Variants in ROBO1 observed in about 807,000 individuals in gnomAD.
The protein encoded by ROBO1 is roundabout guidance receptor 1.
A neutral mutation model predicts 195.9 loss-of-function variants in ROBO1; 149 were observed. That is an observed-to-expected ratio of 0.76 (90% confidence interval 0.67 to 0.87). The LOEUF is 0.87. Among genes scored for constraint, ROBO1 ranks in the 40% least tolerant of loss-of-function variants. The probability of loss-of-function intolerance (pLI) is 0.00; values close to 1 mark genes in which losing one functional copy is unlikely to be tolerated. For missense variants in ROBO1, 1,933 were observed against 2,068.3 expected, an observed-to-expected ratio of 0.93 and a Z score of 1.27; for synonymous variants, 816 against 733.2, an observed-to-expected ratio of 1.11 and a Z score of -1.82.
At chr3:78,663,993 A>G (rs1575872419) in intron 14 of ROBO1, among the ~76,000 whole-genome samples, 1 of 152,132 alleles carries the variant, frequency 6.6e-6, no homozygotes, top group African/African-American at 2.4e-5. Context: ...TTTGAGATAA[A>G]CCTACCAGTC....
chr3:78,911,835 C>T (rs1388971880), intron 4 of ROBO1, among the ~76,000 whole-genome samples: 6 of 151,994 alleles, frequency 3.9e-5, no homozygotes, highest in African/African-American at 1.2e-4. Context: ...TATTCTATAA[C>T]GCAAAGCAGG....
chr3:78,917,709 ATCATGTCCCAG>A (rs1335727795), intron 4 of ROBO1, among the ~76,000 whole-genome samples: 15 of 152,234 alleles, frequency 9.9e-5, no homozygotes, highest in African/African-American at 3.6e-4. Context: ...ATAAACTCAG[ATCATGTCCCAG>A]TAAGATAATT....
intron 10 of ROBO1, among the ~76,000 whole-genome samples, chr3:78,676,293 T>C (rs1289272755): frequency 1.3e-5 from 2 of 152,170 alleles, no homozygotes; most frequent in Non-Finnish European, 2.9e-5. Flanking sequence ...AGGAACGCAG[T>C]TCCTCACCAG....
At chr3:79,668,385 TAA>T (rs1276597295) in intron 1 of ROBO1, among the ~76,000 whole-genome samples, 1 of 147,590 alleles carries the variant, frequency 6.8e-6, no homozygotes, top group East Asian at 2.0e-4. Context: ...AAATTAATAT[TAA>T]GTTTCTTGAC....
chr3:78,947,459 T>A (rs1011290853), intron 3 of ROBO1, among the ~76,000 whole-genome samples: 1 of 152,180 alleles, frequency 6.6e-6, no homozygotes, highest in Non-Finnish European at 1.5e-5. Flanking sequence ...GAAATAAAGA[T>A]GTTCTTTGAA....
intron 2 of ROBO1, among the ~76,000 whole-genome samples, chr3:79,381,342 T>G: frequency 9.7e-6 from 1 of 103,400 alleles, no homozygotes; most frequent in Non-Finnish European, 1.7e-5. Flanking sequence ...GGAGACAGAG[T>G]GAAACTCCGT....
chr3:79,447,053 A>G (rs922726759), intron 2 of ROBO1, among the ~76,000 whole-genome samples: 2 of 150,582 alleles, frequency 1.3e-5, no homozygotes, highest in Non-Finnish European at 3.0e-5. Context: ...CTGGTCTCGA[A>G]CTCCTGACCT....
chr3:78,712,041 A>C (rs949957580), intron 8 of ROBO1, among the ~76,000 whole-genome samples: 6 of 148,594 alleles, frequency 4.0e-5, no homozygotes, highest in South Asian at 2.1e-4. Flanking sequence ...AAAAAAAAAA[A>C]AAAAAAAAAC....
chr3:79,167,466 T>C (rs765514074), intron 2 of ROBO1, among the ~76,000 whole-genome samples: 7 of 152,180 alleles, frequency 4.6e-5, no homozygotes, highest in African/African-American at 9.7e-5. Context: ...CTATAACTTA[T>C]ATCTTTATAA....
intron 2 of ROBO1, among the ~76,000 whole-genome samples, chr3:79,325,962 G>T (rs1233660988): frequency 6.6e-6 from 1 of 152,144 alleles, no homozygotes; most frequent in Non-Finnish European, 1.5e-5. Flanking sequence ...CTGGGAAAGA[G>T]AATATGCGCC....
At chr3:79,375,905 A>C (rs904013528) in intron 2 of ROBO1, among the ~76,000 whole-genome samples, 1 of 152,200 alleles carries the variant, frequency 6.6e-6, no homozygotes, top group African/African-American at 2.4e-5. Context: ...TAGTTGTGTG[A>C]CATTGAGCAA....
intron 4 of ROBO1, among the ~76,000 whole-genome samples, chr3:78,836,614 T>G (rs1204940455): frequency 1.3e-5 from 2 of 151,408 alleles, no homozygotes; most frequent in Non-Finnish European, 2.9e-5. Context: ...ATAAGAAGAA[T>G]AACTTTTTTG....
At chr3:78,720,222 T>C (rs139254011) in intron 5 of ROBO1, among the ~76,000 whole-genome samples, 90 of 152,254 alleles carry the variant, frequency 5.9e-4, no homozygotes, top group African/African-American at 2.0e-3. Flanking sequence ...GCCTTGTAAA[T>C]AGTAAAAATT....
intron 2 of ROBO1, among the ~76,000 whole-genome samples, chr3:79,355,432 C>T (rs921947499): frequency 1.3e-5 from 2 of 152,148 alleles, no homozygotes; most frequent in African/African-American, 4.8e-5. Flanking sequence ...TCAAAAACCT[C>T]TCTTCTAGCT....
At chr3:79,750,202 GC>G (rs942607707) in intron 1 of ROBO1, among the ~76,000 whole-genome samples, 1 of 152,226 alleles carries the variant, frequency 6.6e-6, no homozygotes, top group African/African-American at 2.4e-5. Context: ...TTGCATGGGG[GC>G]TGTGGCCCCT....
At chr3:78,600,474 G>C (rs1703108156) in intron 29 of ROBO1, among the ~76,000 whole-genome samples, 165 bp from the exon 30 acceptor site, 1 of 152,178 alleles carries the variant, frequency 6.6e-6, no homozygotes, top group Non-Finnish European at 1.5e-5. Flanking sequence ...ATAGTGTGTT[G>C]AAAATGAAAA....
At position 78,938,918 on chromosome 3, in the gene ROBO1, A is replaced by G; in HGVS notation, c.182T>C (p.Leu61Pro). 6.2e-7 allele frequency: 1 copy of G among 1,606,330 alleles called. No individual in the cohort carries two copies. Among genetic ancestry groups the G allele is most frequent in the Non-Finnish European group, 8.5e-7 (1 of 1,175,766 alleles). The part of the protein sequence containing the change: ...DNSLGYTGSR[L>P]RQEDFPPRIV... ...GCGAGGTGGAAAATCTTCCTGACGA[A>G]GACGGGAGCCTGCAGAAGAATTCAC... is the stretch of plus-strand genomic sequence containing the variant. Residue 61 changes from leucine (L) to proline (P), a missense_variant, in exon 4 of 31, where the codon CTT becomes CCT. Transcript: ENST00000464233.
At chr3:79,016,270 C>T (rs1424337772) in intron 3 of ROBO1, among the ~76,000 whole-genome samples, 1 of 151,956 alleles carries the variant, frequency 6.6e-6, no homozygotes, top group Non-Finnish European at 1.5e-5. Flanking sequence ...ACAGCATGAG[C>T]GAAAGTGATC....
rs1941100118 is a variant in ROBO1, at chr3:79,519,418, C to G, written c.88+70406G>C. ...GGCCGAAACGGGTGGATCACGAGGTCAGGAGATCGAGAGCATCCTGGCCAA... is the reference window on the plus strand; with the variant it reads ...GGCCGAAACGGGTGGATCACGAGGTGAGGAGATCGAGAGCATCCTGGCCAA... On this transcript the variant is annotated intron_variant, in intron 2 of 30. Transcript: ENST00000464233. Among the ~76,000 whole-genome samples the G allele has an allele frequency of 2.0e-5, 3 of 151,928 alleles. No homozygotes were observed. The South Asian group carries it at 6.3e-4, about 32-fold the overall frequency.
Sources: gnomAD v4.1 joint callset for allele counts (sites outside exome capture counted in the v4.1 genomes callset) on GRCh38, gnomAD v4.1.1 for gene constraint, MANE v1.5 for transcripts, NCBI Gene and HGNC (gene_info 2026-07-23, HGNC 2026-07-21) for gene names.